The following RAD51B variants were observed in gnomAD, a reference collection of about 807,000 sequenced individuals.
The protein encoded by RAD51B is RAD51 paralog B.
In RAD51B, 38 loss-of-function variants were observed where a neutral mutation model predicts 42.2. That is an observed-to-expected ratio of 0.90 (90% confidence interval 0.70 to 1.18). The LOEUF is 1.18. Among genes scored for constraint, RAD51B ranks in the 50% most tolerant of loss-of-function variants. RAD51B has a pLI of 0.00. For synonymous variants in RAD51B, 154 were observed against 145.2 expected (o/e 1.06, Z -0.43); for missense variants, 373 against 400.7 (o/e 0.93, Z 0.59).
chr14:68,123,304 C>T (rs1204444575), intron 7 of RAD51B, among the ~76,000 whole-genome samples: 2 of 151,334 alleles, frequency 1.3e-5, no homozygotes, highest in East Asian at 1.9e-4. Context: ...CCTCCCACCT[C>T]AGCCTCCTGA....
intron 7 of RAD51B, among the ~76,000 whole-genome samples, chr14:67,898,526 T>C (rs1373021203): frequency 1.3e-5 from 2 of 152,296 alleles, no homozygotes; most frequent in Non-Finnish European, 2.9e-5. Flanking sequence ...TGAACAGTAA[T>C]GTATACTTAA....
intron 7 of RAD51B, among the ~76,000 whole-genome samples, chr14:67,948,805 G>A (rs1181724590): frequency 6.6e-6 from 1 of 151,310 alleles, no homozygotes; most frequent in East Asian, 1.9e-4. Flanking sequence ...GGTTGTGGGC[G>A]CCTGTAGTCC....
At position 67,910,682 on chromosome 14, in the gene RAD51B, A is replaced by G. The variant is rs548389431; in HGVS notation, c.756+23478A>G. On this transcript the variant is annotated intron_variant, in intron 7 of 10. Coordinates refer to ENST00000471583, the MANE Select transcript of RAD51B (RefSeq NM_133510.4). ...ACCAATTGAATTCAGATTAAAAAGCATAAACCTACATCTGAAGATAGCCTA... is the reference window on the plus strand; with the variant it reads ...ACCAATTGAATTCAGATTAAAAAGCGTAAACCTACATCTGAAGATAGCCTA... Among the ~76,000 whole-genome samples the G allele has an allele frequency of 1.9e-4, 29 of 152,242 alleles. 1 individual carries two copies. In the South Asian group the frequency reaches 4.8e-3, roughly 25 times the overall value.
intron 4 of RAD51B, among the ~76,000 whole-genome samples, chr14:67,857,094 C>A (rs2139964354): frequency 6.6e-6 from 1 of 152,132 alleles, no homozygotes; most frequent in Non-Finnish European, 1.5e-5. Flanking sequence ...GAATTCAGAG[C>A]TAGACTATCT....
chr14:68,107,009 G>A (rs1267816071), intron 7 of RAD51B, among the ~76,000 whole-genome samples: 1 of 151,806 alleles, frequency 6.6e-6, no homozygotes, highest in Non-Finnish European at 1.5e-5. Context: ...TATAGCCTGT[G>A]AGTGACCAGT....
chr14:68,093,792 G>T (rs1818376023), intron 7 of RAD51B, among the ~76,000 whole-genome samples: 1 of 152,104 alleles, frequency 6.6e-6, no homozygotes, highest in Admixed American at 6.6e-5. Flanking sequence ...CAAAAAAGTA[G>T]ATTGTCTCTT....
Position 68,570,023 on chromosome 14 carries a change from A to G in RAD51B, c.1037-24462A>G, listed in dbSNP as rs989027516. ...GTCTTGCCCTCTGAGAACACTTGGCAATAACATTCCTTTCCTGACAGGCTC... is the reference window on the plus strand; with the variant it reads ...GTCTTGCCCTCTGAGAACACTTGGCGATAACATTCCTTTCCTGACAGGCTC... On this transcript the variant is annotated intron_variant, in intron 10 of 10. Coordinates refer to the RAD51B transcript ENST00000487270. Among the ~76,000 whole-genome samples the G allele has an allele frequency of 2.6e-5, 4 of 152,224 alleles. No homozygotes were observed. In the East Asian group the frequency reaches 7.7e-4, roughly 29 times the overall value.
At chr14:68,042,406 C>T (rs1229607192) in intron 7 of RAD51B, among the ~76,000 whole-genome samples, 1 of 152,124 alleles carries the variant, frequency 6.6e-6, no homozygotes, top group African/African-American at 2.4e-5. Flanking sequence ...CTATATTATT[C>T]ATTACATTTT....
chr14:68,487,802 C>T (rs1883747964), intron 10 of RAD51B, among the ~76,000 whole-genome samples: 1 of 152,192 alleles, frequency 6.6e-6, no homozygotes, highest in South Asian at 2.1e-4. Flanking sequence ...GCCACCATGC[C>T]TGCTCATTAA....
intron 10 of RAD51B, among the ~76,000 whole-genome samples, chr14:68,510,338 G>A (rs1885638079): frequency 6.6e-6 from 1 of 152,230 alleles, no homozygotes; most frequent in Non-Finnish European, 1.5e-5. Context: ...AAATTAGACT[G>A]AGCCGGCCTC....
chr14:68,261,201 T>C (rs1780290232), intron 7 of RAD51B, among the ~76,000 whole-genome samples: 1 of 152,258 alleles, frequency 6.6e-6, no homozygotes, highest in African/African-American at 2.4e-5. Context: ...GTAGAAGTTA[T>C]TGGCCCGCAG....
intron 7 of RAD51B, among the ~76,000 whole-genome samples, chr14:68,094,803 A>C (rs2077164465): frequency 6.6e-6 from 1 of 152,230 alleles, no homozygotes; most frequent in Non-Finnish European, 1.5e-5. Context: ...GAAAAGTAGA[A>C]ATCAAATATT....
At chr14:68,310,830 G>A (rs2081954960) in intron 8 of RAD51B, among the ~76,000 whole-genome samples, 1 of 152,118 alleles carries the variant, frequency 6.6e-6, no homozygotes, top group Non-Finnish European at 1.5e-5. Context: ...GGGCCACAGA[G>A]CAAGACTCCA....
chr14:68,357,329 T>C (rs1230001906), intron 8 of RAD51B, among the ~76,000 whole-genome samples: 2 of 152,232 alleles, frequency 1.3e-5, no homozygotes, highest in Non-Finnish European at 2.9e-5. Flanking sequence ...CCATTTCTAA[T>C]TCTAATTCTC....
intron 7 of RAD51B, among the ~76,000 whole-genome samples, chr14:67,974,094 C>A (rs1053620677): frequency 6.6e-6 from 1 of 151,858 alleles, no homozygotes; most frequent in African/African-American, 2.4e-5. Flanking sequence ...TTGTTCAGTT[C>A]AATATAATTA....
chr14:67,960,593 T>C (rs1200506441), intron 7 of RAD51B, among the ~76,000 whole-genome samples: 2 of 152,242 alleles, frequency 1.3e-5, no homozygotes, highest in Non-Finnish European at 2.9e-5. Context: ...AAGATAAATA[T>C]ATTTGCAAGA....
chr14:68,549,533 A>G (rs577901009), intron 10 of RAD51B, among the ~76,000 whole-genome samples: 72 of 144,756 alleles, frequency 5.0e-4, no homozygotes, highest in African/African-American at 1.8e-3. Context: ...CTCCTGCCTC[A>G]GCCTCCCGTG....
intron 10 of RAD51B, among the ~76,000 whole-genome samples, chr14:68,561,139 C>T (rs1252328773): frequency 6.6e-6 from 1 of 152,206 alleles, no homozygotes; most frequent in Non-Finnish European, 1.5e-5. Flanking sequence ...CCCCAGCCTC[C>T]CCAGCTGAGA....
At chr14:67,859,197 A>C (rs989442745) in intron 4 of RAD51B, among the ~76,000 whole-genome samples, 1 of 152,236 alleles carries the variant, frequency 6.6e-6, no homozygotes, top group Non-Finnish European at 1.5e-5. Context: ...TGTTATTTTC[A>C]ACATACTGGG....
Sources: gnomAD v4.1 joint callset for allele counts (sites outside exome capture counted in the v4.1 genomes callset) on GRCh38, gnomAD v4.1.1 for gene constraint, MANE v1.5 for transcripts, NCBI Gene and HGNC (gene_info 2026-07-23, HGNC 2026-07-21) for gene names.